The following RBM6 variants were observed in gnomAD, a reference collection of about 807,000 sequenced individuals.
The protein encoded by RBM6 is RNA-binding protein 6.
Under a neutral mutation model 140.4 loss-of-function variants are expected in RBM6, and 23 were observed. That is an observed-to-expected ratio of 0.16 (90% CI 0.12 to 0.23). The LOEUF (loss-of-function observed/expected upper bound fraction) is 0.23, where lower values mean the gene tolerates loss of function less well. Ranked by LOEUF, RBM6 falls within the 10% of genes least tolerant of loss-of-function variation. The pLI is 1.00. For missense variants in RBM6, 1,139 were observed against 1,386.7 expected, an observed-to-expected ratio of 0.82 and a Z score of 2.84; for synonymous variants, 439 against 475.6, an observed-to-expected ratio of 0.92 and a Z score of 1.00.
chr3:50,003,759 GCTGT>G (rs1328895176), intron 6 of RBM6, among the ~76,000 whole-genome samples: 1 of 152,212 alleles, frequency 6.6e-6, no homozygotes, highest in Non-Finnish European at 1.5e-5. Context: ...TTAGGCAGCA[GCTGT>G]CTATCTGGAG....
At chr3:50,072,083 C>CAAA (rs974465674) in intron 19 of RBM6, among the ~76,000 whole-genome samples, 1 of 41,428 alleles carries the variant, frequency 2.4e-5, no homozygotes, top group African/African-American at 9.1e-5. Flanking sequence ...GACTCTGTCT[C>CAAA]AAAAAAAAAA....
chr3:49,957,670 T>C (rs1442980046), intron 1 of RBM6, among the ~76,000 whole-genome samples: 1 of 152,172 alleles, frequency 6.6e-6, no homozygotes, highest in Non-Finnish European at 1.5e-5. Flanking sequence ...AAGTCATGGA[T>C]TACATCTTTG....
rs150609021 is a variant in RBM6 at position 50,066,265 on chromosome 3, C to T, written c.2706C>T (p.Ile902=). The T allele has an allele frequency of 5.5e-5, 88 of 1,613,912 alleles. No homozygotes were observed. In the African/African-American group the frequency reaches 9.5e-4, roughly 17 times the overall value. The change falls in exon 17 of 21, where the codon ATC becomes ATT. Residue 902 remains isoleucine, a synonymous_variant. Coordinates refer to ENST00000266022, the MANE Select transcript of RBM6 (RefSeq NM_005777.3). ...AGCCTAAAGTGGTAAACCCACTGATCGGCCTCTTGGGTGAATATGGAGGAG... is the reference window on the plus strand; with the variant it reads ...AGCCTAAAGTGGTAAACCCACTGATTGGCCTCTTGGGTGAATATGGAGGAG... ...PPPPKVVNPL[I]GLLGEYGGDS...
At chr3:49,999,305 A>C in intron 5 of RBM6, 135 bp from the exon 6 acceptor site, 1 of 688,426 alleles carries the variant, frequency 1.5e-6, no homozygotes, top group Non-Finnish European at 2.6e-6. Flanking sequence ...TAGCAACTTT[A>C]CCTAGTGTAG....
rs2086230134 is a variant in RBM6, at chr3:49,999,532, CAAAT to C, written c.1557+20_1557+23del. 1 of 1,575,310 alleles carries C rather than the reference CAAAT, an allele frequency of 6.3e-7. No individual in the cohort carries two copies. The highest frequency in any genetic ancestry group is 8.7e-7 in the Non-Finnish European group (1 of 1,145,310). Reference sequence around the variant, plus strand: ...CAACCAGGTTGCTTTATACTTCGGTCAAATGATGCTGGAAGGATATATTTTTTTA... The same window carrying C: ...CAACCAGGTTGCTTTATACTTCGGTCGATGCTGGAAGGATATATTTTTTTA... On this transcript the variant is annotated intron_variant, in intron 6 of 20. Transcript: ENST00000266022.
chr3:50,022,283 T>G (rs1236599803), intron 6 of RBM6, among the ~76,000 whole-genome samples: 1 of 152,130 alleles, frequency 6.6e-6, no homozygotes, highest in Non-Finnish European at 1.5e-5. Flanking sequence ...TTAATAATTT[T>G]TTTAATGTTG....
intron 9 of RBM6, 86 bp from the exon 10 acceptor site, chr3:50,058,315 TA>T: frequency 7.0e-7 from 1 of 1,419,254 alleles, no homozygotes. Flanking sequence ...GCATCTATAG[TA>T]AAAAATGACA....
In RBM6 at chr3:49,967,500, G is replaced by A. The variant is rs1182981489; in HGVS notation, c.75G>A (p.Gly25=). 5.6e-6 allele frequency: 9 copies of A among 1,613,826 alleles called. No individual in the cohort carries two copies. Among genetic ancestry groups the A allele is most frequent in the South Asian group, 1.1e-5 (1 of 91,074 alleles). ...GCCAAGAAGAAAGGTTTGCTCCCGG[G>A]TGGAACAGGGATTATCCTCCTCCTC... ...RGSQEERFAP[G]WNRDYPPPPL... is the part of the protein sequence containing the mutation. Residue 25 remains glycine (G), a synonymous_variant, in exon 3 of 21, where the codon GGG becomes GGA. Coordinates refer to ENST00000266022, the MANE Select transcript of RBM6 (RefSeq NM_005777.3). The surrounding 1 kb of genome is among the most constrained non-coding windows in gnomAD (Gnocchi z 4.0).
At chr3:49,973,828 C>T (rs2084917410) in intron 4 of RBM6, among the ~76,000 whole-genome samples, 1 of 151,926 alleles carries the variant, frequency 6.6e-6, no homozygotes, top group Non-Finnish European at 1.5e-5. Flanking sequence ...TCAAGTGATC[C>T]ACCCGCCTCG....
At chr3:50,062,496 CTG>C (rs897399183) in intron 15 of RBM6, among the ~76,000 whole-genome samples, 2 of 147,120 alleles carry the variant, frequency 1.4e-5, no homozygotes, top group African/African-American at 5.0e-5. Flanking sequence ...GAGCAAGACT[CTG>C]TATCAAAAAA....
intron 7 of RBM6, among the ~76,000 whole-genome samples, chr3:50,051,222 C>G (rs890605152): frequency 6.6e-6 from 1 of 152,164 alleles, no homozygotes. Flanking sequence ...TGCCTATGAT[C>G]GCGGCTACTA....
intron 1 of RBM6, among the ~76,000 whole-genome samples, chr3:49,942,932 T>G (rs2083350152): frequency 6.6e-6 from 1 of 152,208 alleles, no homozygotes; most frequent in Admixed American, 6.6e-5. Flanking sequence ...TAATCTCTAA[T>G]CTACTTTGTG....
chr3:50,065,044 C>G lies in RBM6; in HGVS notation c.2600C>G (p.Ala867Gly). 6.2e-7 allele frequency: 1 copy of G among 1,612,764 alleles called. No homozygotes were observed. The highest frequency in any genetic ancestry group is 8.5e-7 in the Non-Finnish European group (1 of 1,178,962). Residue 867 changes from alanine to glycine, a missense_variant, in exon 16 of 21, where the codon GCC (alanine) becomes GGC (glycine). Physicochemically the swap from Ala to Gly is moderately conservative, Grantham distance 60. Transcript: ENST00000266022. ...TGGTTTGATCAGTTTCAGGAAAATG[C>G]CAGTGAAGGGAAGGCCCCTGCAGAA... ...DRGVTRFQEN[A>G]SEGKAPAEDV...
chr3:50,063,261 A>G (rs1191692609), intron 15 of RBM6, among the ~76,000 whole-genome samples: 1 of 152,058 alleles, frequency 6.6e-6, no homozygotes. Context: ...ATTACTCCCT[A>G]TGACACATTT....
intron 6 of RBM6, among the ~76,000 whole-genome samples, chr3:50,036,365 T>C (rs1302448283): frequency 6.6e-6 from 1 of 152,218 alleles, no homozygotes; most frequent in African/African-American, 2.4e-5. Flanking sequence ...AGTTTCTTGA[T>C]GACTAGCTAT....
chr3:49,989,635 C>T (rs1158382293), intron 5 of RBM6, among the ~76,000 whole-genome samples: 1 of 152,054 alleles, frequency 6.6e-6, no homozygotes, highest in Non-Finnish European at 1.5e-5. Context: ...TATGTTTCTT[C>T]AACTCCAAAG....
intron 6 of RBM6, among the ~76,000 whole-genome samples, chr3:50,040,445 C>CAA (rs1163542465): frequency 1.3e-4 from 9 of 67,656 alleles, no homozygotes; most frequent in Non-Finnish European, 1.8e-4. Flanking sequence ...GGCTCCTTCT[C>CAA]AAAAAAAAAA....
At chr3:49,963,895 A>G (rs969425131) in intron 2 of RBM6, among the ~76,000 whole-genome samples, 1 of 151,756 alleles carries the variant, frequency 6.6e-6, no homozygotes, top group Non-Finnish European at 1.5e-5. Flanking sequence ...TAACTAGTAC[A>G]TTTTCCTTTT....
chr3:49,955,862 G>C (rs564061649), intron 1 of RBM6, among the ~76,000 whole-genome samples: 2,873 of 118,180 alleles, frequency 0.024, 91 homozygotes, highest in African/African-American at 0.077. Flanking sequence ...CTCTCTCTCT[G>C]TGTGTGTGTG....
Sources: allele counts gnomAD v4.1 joint callset (sites outside exome capture counted in the v4.1 genomes callset), GRCh38; gene constraint gnomAD v4.1.1; non-coding constraint Gnocchi (gnomAD v3.1); transcripts MANE v1.5; gene names NCBI Gene and HGNC (gene_info 2026-07-23, HGNC 2026-07-21).